Variants in MALRD1 observed in about 807,000 individuals in gnomAD.
MALRD1 encodes the protein MAM and LDL receptor class A domain containing 1.
In MALRD1, 247 loss-of-function variants were observed where a neutral mutation model predicts 242.1. The ratio of observed to expected loss-of-function variants is 1.02; its 90% CI spans 0.92 to 1.13. The LOEUF (loss-of-function observed/expected upper bound fraction) is 1.13, where lower values mean the gene tolerates loss of function less well. MALRD1 is among the 50% of genes most tolerant of loss of function. MALRD1 has a pLI of 0.00. For synonymous variants in MALRD1, 995 were observed against 866.6 expected, an observed-to-expected ratio of 1.15 and a Z score of -2.60; for missense variants, 2,989 against 2,533.1, an observed-to-expected ratio of 1.18 and a Z score of -3.86.
intron 28 of MALRD1, among the ~76,000 whole-genome samples, chr10:19,408,154 G>T (rs1833116893): frequency 6.6e-6 from 1 of 152,140 alleles, no homozygotes; most frequent in Non-Finnish European, 1.5e-5. Flanking sequence ...GGGAAAGGAA[G>T]AGAAGTTGGT....
At chr10:19,184,949 C>T (rs1835672686) in intron 14 of MALRD1, among the ~76,000 whole-genome samples, 1 of 152,138 alleles carries the variant, frequency 6.6e-6, no homozygotes, top group South Asian at 2.1e-4. Flanking sequence ...GTGGCAGTGT[C>T]CCTGTGTTTG....
At chr10:19,137,374 G>A (rs1833383000) in intron 10 of MALRD1, among the ~76,000 whole-genome samples, 1 of 152,068 alleles carries the variant, frequency 6.6e-6, no homozygotes, top group Non-Finnish European at 1.5e-5. Flanking sequence ...GGGAGGCTGA[G>A]GCAGGCAGAT....
chr10:19,054,523 A>G (rs1287469697), intron 1 of MALRD1, among the ~76,000 whole-genome samples: 4 of 152,170 alleles, frequency 2.6e-5, no homozygotes, highest in East Asian at 3.8e-4. Flanking sequence ...CTGCTTATCT[A>G]TCCGAAACTT....
chr10:19,608,002 C>T, intron 35 of MALRD1, 100 bp downstream of exon 35: 12 of 1,397,514 alleles, frequency 8.6e-6, no homozygotes, highest in Non-Finnish European at 1.1e-5. Flanking sequence ...CAATGGCAAG[C>T]ATGGAATAAT....
chr10:19,554,298 C>T (rs781724537), intron 32 of MALRD1, among the ~76,000 whole-genome samples: 21 of 152,136 alleles, frequency 1.4e-4, no homozygotes, highest in Middle Eastern at 3.4e-3. Flanking sequence ...AGAAGGCGAA[C>T]GGGTAGCAGG....
intron 28 of MALRD1, among the ~76,000 whole-genome samples, chr10:19,415,589 T>C (rs138335817): frequency 2.6e-4 from 40 of 152,300 alleles, no homozygotes; most frequent in African/African-American, 8.9e-4. Flanking sequence ...ATAAGATATA[T>C]TCAAATTATC....
chr10:19,234,101 T>G (rs1341796205), intron 18 of MALRD1, among the ~76,000 whole-genome samples: 2 of 152,064 alleles, frequency 1.3e-5, no homozygotes, highest in Non-Finnish European at 2.9e-5. Flanking sequence ...ATACCTGGAT[T>G]CTAAAATTTA....
At chr10:19,712,926 CTG>C (rs1426736181) in intron 38 of MALRD1, among the ~76,000 whole-genome samples, 3 of 152,174 alleles carry the variant, frequency 2.0e-5, no homozygotes, top group Non-Finnish European at 4.4e-5. Flanking sequence ...CACTCAAATG[CTG>C]TGTGTTGAAG....
At chr10:19,704,980 C>G (rs1480902491) in intron 38 of MALRD1, among the ~76,000 whole-genome samples, 1 of 152,058 alleles carries the variant, frequency 6.6e-6, no homozygotes, top group African/African-American at 2.4e-5. Flanking sequence ...AACCCTGTCT[C>G]TACAAAAAAA....
At chr10:19,349,922 T>A (rs1010806486) in intron 25 of MALRD1, among the ~76,000 whole-genome samples, 13 of 152,138 alleles carry the variant, frequency 8.5e-5, no homozygotes, top group Non-Finnish European at 1.6e-4. Context: ...GAGTCCCCAA[T>A]GTTTTAAACA....
chr10:19,498,877 C>A (rs537184036), intron 31 of MALRD1, among the ~76,000 whole-genome samples: 1 of 152,276 alleles, frequency 6.6e-6, no homozygotes, highest in East Asian at 1.9e-4. Flanking sequence ...AAGAGACTCA[C>A]AGATTTTACT....
chr10:19,536,277 G>C (rs1034035486), intron 32 of MALRD1, among the ~76,000 whole-genome samples: 2 of 152,020 alleles, frequency 1.3e-5, no homozygotes, highest in South Asian at 2.1e-4. Flanking sequence ...CTGTGACTCA[G>C]CTTCCCGCAA....
At chr10:19,664,017 A>G (rs1353742904) in intron 36 of MALRD1, among the ~76,000 whole-genome samples, 1 of 152,100 alleles carries the variant, frequency 6.6e-6, no homozygotes, top group Non-Finnish European at 1.5e-5. Context: ...ACAAGCAAAA[A>G]CAAGAGGGAA....
chr10:19,469,567 A>G (rs994949561), intron 29 of MALRD1, among the ~76,000 whole-genome samples: 9 of 152,108 alleles, frequency 5.9e-5, no homozygotes, highest in Non-Finnish European at 1.2e-4. Context: ...GAATATTCCT[A>G]AAATAAGTAA....
intron 28 of MALRD1, among the ~76,000 whole-genome samples, chr10:19,402,835 C>T (rs187058534): frequency 3.0e-4 from 46 of 152,184 alleles, no homozygotes; most frequent in African/African-American, 1.1e-3. Context: ...CAAACACACA[C>T]ATGTAGATTT....
intron 19 of MALRD1, among the ~76,000 whole-genome samples, chr10:19,266,395 T>A (rs1318668674): frequency 6.6e-6 from 1 of 151,982 alleles, no homozygotes; most frequent in Non-Finnish European, 1.5e-5. Flanking sequence ...AGGTTTTTGC[T>A]ATGTGTTTAA....
At chr10:19,549,817 C>T (rs1835403060) in intron 32 of MALRD1, among the ~76,000 whole-genome samples, 1 of 152,118 alleles carries the variant, frequency 6.6e-6, no homozygotes, top group Non-Finnish European at 1.5e-5. Flanking sequence ...AGTAACTTGG[C>T]CTAAAACATT....
chr10:19,509,669 G>A lies in MALRD1; in HGVS notation c.5320+11023G>A, dbSNP rs78474760. Among the ~76,000 whole-genome samples the A allele has an allele frequency of 2.4e-3, 364 of 152,232 alleles. 6 individuals are homozygous for A. The East Asian group carries it at 0.05, about 21-fold the overall frequency. ...AATGATTTGTTCTCTTTGTGTTTTT[G>A]TTGTTCAAACCAAAGTGAGACCATT... On this transcript the variant is annotated intron_variant, in intron 31 of 39. Transcript: ENST00000454679.
At position 19,734,324 on chromosome 10, in the gene MALRD1, T is replaced by C. The variant is rs1020628220; in HGVS notation, c.*87T>C. 2 of 1,099,098 alleles carry C rather than the reference T, an allele frequency of 1.8e-6. No individual in the cohort carries two copies. Among genetic ancestry groups the C allele is most frequent in the Non-Finnish European group, 2.6e-6 (2 of 768,454 alleles). The allele number at this position is 1,099,098 out of a possible 1,614,324, so 68.1% of individuals were successfully genotyped here. ...TCTGATAGAAACTCATCTTCTACAA[T>C]GGTAAAAAGAGAAAGGATTGTAAAT... On this transcript the variant is annotated 3_prime_UTR_variant, in exon 40 of 40. Coordinates refer to ENST00000454679, the MANE Select transcript of MALRD1 (RefSeq NM_001142308.3).
Sources: gnomAD v4.1 joint callset for allele counts (sites outside exome capture counted in the v4.1 genomes callset) on GRCh38, gnomAD v4.1.1 for gene constraint, MANE v1.5 for transcripts, NCBI Gene and HGNC (gene_info 2026-07-23, HGNC 2026-07-21) for gene names.